Variants in TENM4 observed in about 807,000 individuals in gnomAD.
The protein encoded by TENM4 is teneurin-4.
In TENM4, 82 loss-of-function variants were observed where a neutral mutation model predicts 243.3. The observed-to-expected ratio is 0.34, with a 90% CI of 0.28 to 0.40. The LOEUF (loss-of-function observed/expected upper bound fraction) is 0.40. TENM4 is among the 10% of genes least tolerant of loss of function. The pLI is 1.00. For synonymous variants in TENM4, 1,412 were observed against 1,456.3 expected (o/e 0.97, Z 0.69); for missense variants, 3,138 against 3,673.3 (o/e 0.85, Z 3.77).
At chr11:79,031,095 T>G (rs1859223726) in intron 6 of TENM4, among the ~76,000 whole-genome samples, 1 of 152,162 alleles carries the variant, frequency 6.6e-6, no homozygotes, top group Non-Finnish European at 1.5e-5. Flanking sequence ...TGCTTAATCT[T>G]GTATCCGTAG....
Position 78,657,813 on chromosome 11 carries a change from C to A in TENM4, c.*245G>T. On this transcript the variant is annotated 3_prime_UTR_variant, in exon 34 of 34. Coordinates refer to ENST00000278550, the MANE Select transcript of TENM4 (RefSeq NM_001098816.3). ...CCTCAAGGAAAAAGGGAACAAAAGACAATAAAGTTTTCATTGTGATCACAC... is the reference window on the plus strand; with the variant it reads ...CCTCAAGGAAAAAGGGAACAAAAGAAAATAAAGTTTTCATTGTGATCACAC... 1.7e-6 allele frequency: 1 copy of A among 603,952 alleles called. No homozygotes were observed. The highest frequency in any genetic ancestry group is 2.9e-5 in the East Asian group (1 of 34,222). The allele number at this position is 603,952 out of a possible 1,614,324, so 37.4% of individuals were successfully genotyped here. A position where few individuals can be genotyped will look rare whatever the true frequency, so the allele number is the denominator to read the frequency against.
chr11:78,863,576 T>G (rs2136224891), intron 9 of TENM4, among the ~76,000 whole-genome samples: 1 of 152,318 alleles, frequency 6.6e-6, no homozygotes, highest in East Asian at 1.9e-4. Flanking sequence ...TAGCCCATAA[T>G]CATATGAAAA....
chr11:79,043,797 C>G (rs1372357020), intron 6 of TENM4, among the ~76,000 whole-genome samples: 1 of 152,096 alleles, frequency 6.6e-6, no homozygotes, highest in Non-Finnish European at 1.5e-5. Flanking sequence ...ATAATAACCA[C>G]CCCCATCTCT....
chr11:79,088,626 T>C (rs1860873912), intron 4 of TENM4, among the ~76,000 whole-genome samples: 1 of 152,336 alleles, frequency 6.6e-6, no homozygotes, highest in Admixed American at 6.5e-5. Flanking sequence ...GGCTTCGCAC[T>C]TGGCTGTTTA....
chr11:79,216,127 A>G (rs1864047218), intron 2 of TENM4, among the ~76,000 whole-genome samples: 1 of 152,166 alleles, frequency 6.6e-6, no homozygotes, highest in African/African-American at 2.4e-5. Context: ...GAGAGGCTCA[A>G]ATGTACCTTC....
chr11:79,339,648 G>A (rs565095368), intron 1 of TENM4, among the ~76,000 whole-genome samples: 1 of 152,192 alleles, frequency 6.6e-6, no homozygotes, highest in South Asian at 2.1e-4. Context: ...TGGGTCCCAT[G>A]GTTAAGTGAT....
intron 1 of TENM4, among the ~76,000 whole-genome samples, chr11:79,316,401 A>G (rs1308661477): frequency 6.6e-6 from 1 of 152,200 alleles, no homozygotes; most frequent in East Asian, 1.9e-4. Flanking sequence ...TTGAATGAAT[A>G]TCAAATGATG....
At chr11:79,402,044 A>T (rs760802299) in intron 1 of TENM4, 1 of 428,450 alleles carries the variant, frequency 2.3e-6, no homozygotes, top group Admixed American at 2.1e-5. Context: ...AGAAGCTCAC[A>T]GTCTAGTTGT....
At chr11:78,805,089 G>A (rs996266360) in intron 15 of TENM4, among the ~76,000 whole-genome samples, 5 of 152,208 alleles carry the variant, frequency 3.3e-5, no homozygotes, top group African/African-American at 1.2e-4. Context: ...ACTATGGAAG[G>A]AATGATGTAA....
At chr11:79,251,538 C>T (rs75259281) in intron 2 of TENM4, among the ~76,000 whole-genome samples, 4,700 of 152,220 alleles carry the variant, frequency 0.031, 205 homozygotes, top group East Asian at 0.11. Flanking sequence ...CTTTTATCAC[C>T]TTGAATGCAG....
chr11:79,160,377 G>T (rs548581453), intron 3 of TENM4, among the ~76,000 whole-genome samples: 1 of 152,286 alleles, frequency 6.6e-6, no homozygotes, highest in East Asian at 1.9e-4. Flanking sequence ...TGCAGAATGG[G>T]CAAGGCATGC....
chr11:79,354,866 T>G (rs2135483443), intron 1 of TENM4, among the ~76,000 whole-genome samples: 1 of 152,332 alleles, frequency 6.6e-6, no homozygotes, highest in Admixed American at 6.5e-5. Flanking sequence ...TAAGCTGGCA[T>G]GAATAAAATA....
At chr11:79,158,529 T>A (rs1862671683) in intron 3 of TENM4, among the ~76,000 whole-genome samples, 1 of 152,138 alleles carries the variant, frequency 6.6e-6, no homozygotes, top group Non-Finnish European at 1.5e-5. Context: ...AATTAGGAGG[T>A]AAGACTCTTG....
intron 3 of TENM4, 56 bp from the exon 4 acceptor site, chr11:79,148,862 T>A (rs1254177925): frequency 1.6e-6 from 1 of 632,554 alleles, no homozygotes; most frequent in African/African-American, 2.0e-5. Flanking sequence ...GCTGTTCTGA[T>A]AAGCAGTAGA....
intron 4 of TENM4, among the ~76,000 whole-genome samples, chr11:79,117,964 G>C (rs10751303): frequency 0.65 from 98,983 of 152,060 alleles, 34,315 homozygotes; most frequent in Non-Finnish European, 0.8. Flanking sequence ...TTATGAAAAG[G>C]CTTGGCAAAT....
At chr11:79,052,157 C>T (rs1005888778) in intron 6 of TENM4, among the ~76,000 whole-genome samples, 5 of 152,194 alleles carry the variant, frequency 3.3e-5, no homozygotes, top group Non-Finnish European at 5.9e-5. Context: ...ATTGCTGGGT[C>T]AAATGATATT....
At chr11:79,086,444 T>C (rs968389893) in intron 4 of TENM4, among the ~76,000 whole-genome samples, 5 of 152,356 alleles carry the variant, frequency 3.3e-5, no homozygotes, top group Non-Finnish European at 7.3e-5. Flanking sequence ...TAGGGTGATA[T>C]GTTATATAGC....
chr11:79,309,721 C>T (rs1856687153), intron 1 of TENM4, among the ~76,000 whole-genome samples: 1 of 152,138 alleles, frequency 6.6e-6, no homozygotes, highest in South Asian at 2.1e-4. Flanking sequence ...TGGAAGGGGC[C>T]CTCATTTGGA....
intron 27 of TENM4, among the ~76,000 whole-genome samples, chr11:78,702,839 T>C (rs549036098): frequency 3.9e-5 from 6 of 152,230 alleles, no homozygotes; most frequent in Non-Finnish European, 5.9e-5. Context: ...GCAGCTGATG[T>C]TCTAAGATGG....
Sources: allele counts gnomAD v4.1 joint callset (sites outside exome capture counted in the v4.1 genomes callset), GRCh38; gene constraint gnomAD v4.1.1; transcripts MANE v1.5; gene names NCBI Gene and HGNC (gene_info 2026-07-23, HGNC 2026-07-21).